NME7: variants seen among roughly 807,000 people sequenced by gnomAD.
The protein encoded by NME7 is NME/NM23 family member 7.
NME7 carries 41 observed loss-of-function variants against 49.1 expected under a neutral mutation model. The ratio of observed to expected loss-of-function variants is 0.83; its 90% CI spans 0.65 to 1.08. The LOEUF is 1.08. Among genes scored for constraint, NME7 ranks in the 50% least tolerant of loss-of-function variants. The pLI is 0.00. For synonymous variants in NME7, 139 were observed against 150.6 expected, an observed-to-expected ratio of 0.92 and a Z score of 0.56; for missense variants, 423 against 463.4, an observed-to-expected ratio of 0.91 and a Z score of 0.80.
intron 7 of NME7, among the ~76,000 whole-genome samples, chr1:169,258,634 G>T (rs772258068): frequency 1.5e-5 from 2 of 130,450 alleles, no homozygotes; most frequent in Admixed American, 1.5e-4. Context: ...GGCTTATATT[G>T]CCATTCATAG....
chr1:169,174,851 G>A (rs888936488), intron 10 of NME7, among the ~76,000 whole-genome samples: 10 of 152,190 alleles, frequency 6.6e-5, no homozygotes, highest in African/African-American at 9.7e-5. Context: ...GTGAGTGAGT[G>A]TGAGGGCCTA....
chr1:169,287,362 T>G lies in NME7; in HGVS notation c.695A>C (p.Asn232Thr). The G allele has an allele frequency of 6.2e-7, 1 of 1,608,616 alleles. No homozygotes were observed. The highest frequency in any genetic ancestry group is 8.5e-7 in the Non-Finnish European group (1 of 1,177,962). ...FPSSGGCGPA[N>T]TAKFTNCTCC... ...GGTACAATTAGTAAATTTAGCAGTG[T>G]TTGCCGGCCCACAACCTCCACTTGA... Residue 232 changes from asparagine to threonine, a missense_variant, in exon 7 of 12, where the codon AAC (asparagine) becomes ACC (threonine). By Grantham distance (65) the Asn-to-Thr change is moderately conservative. Transcript: ENST00000367811.
At chr1:169,241,260 T>C (rs758430568) in intron 7 of NME7, among the ~76,000 whole-genome samples, 47 of 152,098 alleles carry the variant, frequency 3.1e-4, no homozygotes, top group Admixed American at 8.5e-4. Context: ...CCCCTGCAGA[T>C]GCATGATGGT....
At chr1:169,317,122 G>GA (rs891612652) in intron 3 of NME7, among the ~76,000 whole-genome samples, 27 of 151,374 alleles carry the variant, frequency 1.8e-4, no homozygotes, top group African/African-American at 6.1e-4. Context: ...AGATTAAATT[G>GA]AAAAAAAACC....
At chr1:169,160,135 C>T (rs1272043981) in intron 11 of NME7, among the ~76,000 whole-genome samples, 1 of 152,148 alleles carries the variant, frequency 6.6e-6, no homozygotes, top group Admixed American at 6.5e-5. Flanking sequence ...CCTGTTATTC[C>T]TGGGGTCTCT....
At chr1:169,197,194 T>C (rs1044306820) in intron 10 of NME7, among the ~76,000 whole-genome samples, 1 of 152,154 alleles carries the variant, frequency 6.6e-6, no homozygotes, top group African/African-American at 2.4e-5. Flanking sequence ...AACTGCTTTA[T>C]AAATTGAAAA....
chr1:169,254,844 G>A (rs12076824), intron 7 of NME7, among the ~76,000 whole-genome samples: 7,859 of 106,830 alleles, frequency 0.074, 1,226 homozygotes, highest in East Asian at 0.19. Flanking sequence ...TCAGGAGCAG[G>A]TTGTTCAGTT....
Position 169,310,073 on chromosome 1 carries a change from C to T in NME7, c.286G>A (p.Ala96Thr). The change falls in exon 4 of 12, where the codon GCC (alanine) becomes ACC (threonine). Residue 96 changes from alanine to threonine, a missense_variant. Coordinates refer to ENST00000367811, the MANE Select transcript of NME7 (RefSeq NM_013330.5). The stretch of plus-strand genomic sequence containing the variant: ...GATATTGCATCTGGTTTAATTAGGG[C>T]TAGCGTTCTATAAGGAAACAAAAAA... ...QLGSRKEKTLALIKPDAISKA... is the reference protein window; with the variant it reads ...QLGSRKEKTLTLIKPDAISKA... The T allele has an allele frequency of 6.3e-7, 1 of 1,581,956 alleles. No homozygotes were observed. The highest frequency in any genetic ancestry group is 8.6e-7 in the Non-Finnish European group (1 of 1,162,578).
chr1:169,296,907 T>C (rs1485603733), intron 6 of NME7, among the ~76,000 whole-genome samples: 1 of 152,104 alleles, frequency 6.6e-6, no homozygotes, highest in Non-Finnish European at 1.5e-5. Context: ...CAAGCCATCA[T>C]CTCACTGGGT....
intron 7 of NME7, among the ~76,000 whole-genome samples, chr1:169,283,613 T>C (rs1650133982): frequency 6.6e-6 from 1 of 152,150 alleles, no homozygotes; most frequent in African/African-American, 2.4e-5. Context: ...TTAGTGCTTC[T>C]TTCAAGAGCT....
At position 169,267,003 on chromosome 1, in the gene NME7, G is replaced by A. The variant is rs1649338515; in HGVS notation, c.754+20300C>T. Among the ~76,000 whole-genome samples the A allele has an allele frequency of 1.5e-5, 2 of 133,112 alleles. 1 individual carries two copies. The highest frequency in any genetic ancestry group is 1.5e-4 in the Admixed American group (2 of 13,512). 87.3% of individuals were successfully genotyped at this position (133,112 alleles called of 152,430 possible). Reference sequence around the variant, plus strand: ...GAATCGCTTGAACCTGGGAGGTGGAGGTTGCCGTGAGCCGAGATCATGCCA... The same window carrying A: ...GAATCGCTTGAACCTGGGAGGTGGAAGTTGCCGTGAGCCGAGATCATGCCA... On this transcript the variant is annotated intron_variant, in intron 7 of 11. Transcript: ENST00000367811.
rs1406824124 is a variant in NME7 at position 169,356,805 on chromosome 1, C to T, written c.3+10903G>A. On this transcript the variant is annotated intron_variant, in intron 1 of 11. Transcript: ENST00000367811. ...TTCATTTCCAAATGCGTTCCAGTAA[C>T]TTTAGGGAATCAATGTTGACATTAA... Among the ~76,000 whole-genome samples, 3 of 152,060 alleles carry T rather than the reference C, an allele frequency of 2.0e-5. No individual in the cohort carries two copies. The East Asian group carries it at 5.8e-4, about 29-fold the overall frequency.
intron 10 of NME7, among the ~76,000 whole-genome samples, chr1:169,210,049 A>G (rs559269889): frequency 1.3e-5 from 2 of 152,262 alleles, no homozygotes; most frequent in African/African-American, 4.8e-5. Flanking sequence ...CTAGACTATA[A>G]ATTCCATGTG....
intron 5 of NME7, among the ~76,000 whole-genome samples, chr1:169,299,046 T>C (rs2101907333): frequency 6.6e-6 from 1 of 152,310 alleles, no homozygotes; most frequent in Non-Finnish European, 1.5e-5. Context: ...TTAAAATGCA[T>C]ACTGTTGACC....
chr1:169,303,533 C>A (rs1268827145), intron 4 of NME7: 1 of 157,322 alleles, frequency 6.4e-6, no homozygotes, highest in Admixed American at 6.7e-5. Context: ...CTCGCTACAA[C>A]CTCCACCTCC....
intron 10 of NME7, among the ~76,000 whole-genome samples, chr1:169,210,264 T>C (rs1660773473): frequency 6.6e-6 from 1 of 152,152 alleles, no homozygotes; most frequent in South Asian, 2.1e-4. Flanking sequence ...TCCTAAGACT[T>C]TTCTATATTC....
chr1:169,238,353 T>C (rs1376101521), intron 7 of NME7, among the ~76,000 whole-genome samples: 1 of 152,016 alleles, frequency 6.6e-6, no homozygotes, highest in Non-Finnish European at 1.5e-5. Context: ...GGTTTCTATA[T>C]TGGAGTCTAT....
intron 6 of NME7, among the ~76,000 whole-genome samples, chr1:169,293,428 T>C (rs1650589520): frequency 6.6e-6 from 1 of 152,152 alleles, no homozygotes; most frequent in Non-Finnish European, 1.5e-5. Context: ...CATATAAAAT[T>C]ATCTCACACA....
At chr1:169,366,410 A>G (rs962775569) in intron 1 of NME7, among the ~76,000 whole-genome samples, 1 of 152,238 alleles carries the variant, frequency 6.6e-6, no homozygotes, top group Admixed American at 6.5e-5. Context: ...GTTTACTGAT[A>G]GATAGGAGGA....
Sources: gnomAD v4.1 joint callset for allele counts (sites outside exome capture counted in the v4.1 genomes callset) on GRCh38, gnomAD v4.1.1 for gene constraint, MANE v1.5 for transcripts, NCBI Gene and HGNC (gene_info 2026-07-23, HGNC 2026-07-21) for gene names.